The following CDH18 variants were observed in gnomAD, a reference collection of about 807,000 sequenced individuals.
CDH18 encodes cadherin 18, also known as cadherin-18.
CDH18 carries 31 observed loss-of-function variants against 67.9 expected under a neutral mutation model. That is an observed-to-expected ratio of 0.46 (90% CI 0.34 to 0.62). The LOEUF is 0.62. Ranked by LOEUF, CDH18 falls within the 20% of genes least tolerant of loss-of-function variation. The pLI, the probability that CDH18 is intolerant of heterozygous loss-of-function variation, is 0.01. For synonymous variants in CDH18, 362 were observed against 347.2 expected (o/e 1.04, Z -0.48); for missense variants, 890 against 975.5 (o/e 0.91, Z 1.17).
At chr5:19,669,115 T>C (rs1758363179) in intron 5 of CDH18, among the ~76,000 whole-genome samples, 1 of 146,996 alleles carries the variant, frequency 6.8e-6, no homozygotes, top group Admixed American at 6.9e-5. Flanking sequence ...CTTATATATA[T>C]AATATATATT....
intron 8 of CDH18, among the ~76,000 whole-genome samples, chr5:19,547,647 T>C (rs530710043): frequency 6.6e-6 from 1 of 152,282 alleles, no homozygotes; most frequent in Admixed American, 6.5e-5. Flanking sequence ...ACATTTTAAT[T>C]TATATAGTTT....
At chr5:20,012,100 G>A (rs376054679) in intron 2 of CDH18, among the ~76,000 whole-genome samples, 4 of 151,592 alleles carry the variant, frequency 2.6e-5, no homozygotes, top group East Asian at 1.9e-4. Flanking sequence ...GACTATAACT[G>A]CCTCAATTTC....
intron 2 of CDH18, among the ~76,000 whole-genome samples, chr5:20,085,451 T>C (rs1020262529): frequency 6.6e-6 from 1 of 152,146 alleles, no homozygotes; most frequent in Non-Finnish European, 1.5e-5. Flanking sequence ...CCCTCCAAAT[T>C]GTTCCAACAT....
chr5:20,488,755 C>T (rs1469091492), intron 1 of CDH18, among the ~76,000 whole-genome samples: 21 of 148,670 alleles, frequency 1.4e-4, no homozygotes, highest in African/African-American at 4.9e-4. Flanking sequence ...AATAATAAAA[C>T]TAGCAGTTCT....
At chr5:19,937,783 T>G (rs1794431350) in intron 2 of CDH18, among the ~76,000 whole-genome samples, 2 of 150,966 alleles carry the variant, frequency 1.3e-5, no homozygotes, top group Non-Finnish European at 3.0e-5. Flanking sequence ...CAAAAAAATT[T>G]CAGCAGTTAT....
At chr5:20,288,434 C>CA (rs1484492573) in intron 1 of CDH18, among the ~76,000 whole-genome samples, 2 of 132,606 alleles carry the variant, frequency 1.5e-5, no homozygotes, top group African/African-American at 6.0e-5. Context: ...CTAGTGGCTT[C>CA]AAAAAATACG....
At chr5:19,651,518 T>C (rs1755576748) in intron 5 of CDH18, among the ~76,000 whole-genome samples, 1 of 152,076 alleles carries the variant, frequency 6.6e-6, no homozygotes, top group Non-Finnish European at 1.5e-5. Flanking sequence ...ACTCAAATTC[T>C]GTCAAAGAAG....
At chr5:20,564,058 A>G (rs925953426) in intron 1 of CDH18, among the ~76,000 whole-genome samples, 7 of 152,018 alleles carry the variant, frequency 4.6e-5, no homozygotes, top group Non-Finnish European at 8.8e-5. Context: ...ACCATCAAAG[A>G]CTTATTCACA....
chr5:19,489,383 G>A (rs1237619316), intron 11 of CDH18, among the ~76,000 whole-genome samples: 1 of 151,590 alleles, frequency 6.6e-6, no homozygotes, highest in African/African-American at 2.4e-5. Context: ...AAGTAGCTGG[G>A]ACTACAGGCG....
At chr5:20,505,408 TCTAA>T (rs1561073916) in intron 1 of CDH18, among the ~76,000 whole-genome samples, 1 of 152,154 alleles carries the variant, frequency 6.6e-6, no homozygotes, top group African/African-American at 2.4e-5. Flanking sequence ...GATAAAGCAA[TCTAA>T]CTTTTTAAAT....
At chr5:20,110,048 T>G (rs766319931) in intron 2 of CDH18, among the ~76,000 whole-genome samples, 1 of 152,176 alleles carries the variant, frequency 6.6e-6, no homozygotes, top group Non-Finnish European at 1.5e-5. Context: ...AGCATATATA[T>G]TATTTCTCAA....
At chr5:20,412,098 A>C (rs1746836870) in intron 1 of CDH18, among the ~76,000 whole-genome samples, 1 of 152,192 alleles carries the variant, frequency 6.6e-6, no homozygotes, top group African/African-American at 2.4e-5. Flanking sequence ...CAAAAATAGC[A>C]AAGCTGGAGG....
intron 1 of CDH18, among the ~76,000 whole-genome samples, chr5:20,319,350 C>A (rs1737776603): frequency 6.6e-6 from 1 of 152,072 alleles, no homozygotes; most frequent in East Asian, 1.9e-4. Context: ...GTTTTCTCCC[C>A]TCTATACCTT....
intron 2 of CDH18, among the ~76,000 whole-genome samples, chr5:20,058,721 T>C (rs1214410273): frequency 3.3e-5 from 5 of 152,170 alleles, no homozygotes; most frequent in Admixed American, 6.5e-5. Flanking sequence ...AAGTAAATAA[T>C]TGTGATGTGA....
chr5:20,076,056 A>G (rs1185216051), intron 2 of CDH18, among the ~76,000 whole-genome samples: 1 of 152,192 alleles, frequency 6.6e-6, no homozygotes. Context: ...CAATATATCT[A>G]TGTAACTTCA....
intron 1 of CDH18, among the ~76,000 whole-genome samples, chr5:20,479,289 A>C (rs1752635686): frequency 6.6e-6 from 1 of 152,178 alleles, no homozygotes; most frequent in Admixed American, 6.5e-5. Flanking sequence ...ACCAGTGACC[A>C]ATTCCAGAGT....
intron 2 of CDH18, among the ~76,000 whole-genome samples, chr5:20,112,520 C>T (rs1747563225): frequency 6.6e-6 from 1 of 152,046 alleles, no homozygotes; most frequent in Admixed American, 6.6e-5. Flanking sequence ...GAGGAATTCT[C>T]ACTAGCTATT....
chr5:20,526,912 G>C (rs11748170), intron 1 of CDH18, among the ~76,000 whole-genome samples: 60,583 of 151,914 alleles, frequency 0.4, 13,558 homozygotes, highest in East Asian at 0.56. Flanking sequence ...CACAGAACTG[G>C]GCTGAAGCTG....
chr5:19,764,816 C>T (rs1225184319), intron 3 of CDH18, among the ~76,000 whole-genome samples: 1 of 152,114 alleles, frequency 6.6e-6, no homozygotes. Context: ...AACAGAAAAA[C>T]AAGGTAAAAT....
Sources: allele counts gnomAD v4.1 joint callset (sites outside exome capture counted in the v4.1 genomes callset), GRCh38; gene constraint gnomAD v4.1.1; transcripts MANE v1.5; gene names NCBI Gene and HGNC (gene_info 2026-07-23, HGNC 2026-07-21).